Variants in LAMA1 observed in about 807,000 individuals in gnomAD.
The protein encoded by LAMA1 is laminin subunit alpha-1.
In LAMA1, 219 loss-of-function variants were observed where a neutral mutation model predicts 348.7. The observed-to-expected ratio is 0.63, with a 90% CI of 0.56 to 0.70. The LOEUF is 0.70. Ranked by LOEUF, LAMA1 falls within the 30% of genes least tolerant of loss-of-function variation. LAMA1 has a pLI of 0.00. For missense variants in LAMA1, 3,744 were observed against 3,888.0 expected, an observed-to-expected ratio of 0.96 and a Z score of 0.99; for synonymous variants, 1,487 against 1,491.0, an observed-to-expected ratio of 1.00 and a Z score of 0.06.
intron 29 of LAMA1, among the ~76,000 whole-genome samples, chr18:7,005,923 T>C (rs891296328): frequency 6.6e-6 from 1 of 152,006 alleles, no homozygotes; most frequent in Non-Finnish European, 1.5e-5. Flanking sequence ...GGGAGGCAGG[T>C]TGGGAGCCTG....
At chr18:6,981,856 C>T (rs2057713216) in intron 41 of LAMA1, among the ~76,000 whole-genome samples, 1 of 152,110 alleles carries the variant, frequency 6.6e-6, no homozygotes, top group Non-Finnish European at 1.5e-5. Flanking sequence ...AGGTGGAAAG[C>T]ACATTATTTG....
In LAMA1 at chr18:7,012,035, G is replaced by C. The variant is rs771338059; in HGVS notation, c.3467C>G (p.Ser1156Cys). Reference protein sequence around the residue: ...GCSPCFCSGLSHLCSELEDYV... With the variant: ...GCSPCFCSGLCHLCSELEDYV... ...GTCCTCCAGCTCTGAGCAGAGGTGG[G>C]ACAGCCCGGAGCAGAAGCACGGGCT... Residue 1156 changes from serine to cysteine, a missense_variant, in exon 24 of 63, where the codon TCC becomes TGC. Physicochemically the swap from Ser to Cys is moderately radical, Grantham distance 112. This residue lies in a region of LAMA1 where 1,529 missense variants were observed against 1,689.4 expected (regional missense o/e 0.91). Coordinates refer to ENST00000389658, the MANE Select transcript of LAMA1 (RefSeq NM_005559.4). 12 of 1,610,650 alleles carry C rather than the reference G, an allele frequency of 7.5e-6. No individual in the cohort carries two copies. The highest frequency in any genetic ancestry group is 9.3e-6 in the Non-Finnish European group (11 of 1,178,284).
chr18:6,949,369 G>T, intron 58 of LAMA1, 110 bp from the exon 59 acceptor site: 1 of 1,064,882 alleles, frequency 9.4e-7, no homozygotes, highest in Non-Finnish European at 1.4e-6. Context: ...ATAACAACCT[G>T]AATGCAATGC....
intron 1 of LAMA1, among the ~76,000 whole-genome samples, chr18:7,108,622 C>CTCCAGCCTGGA: frequency 9.1e-6 from 1 of 109,888 alleles, no homozygotes; most frequent in African/African-American, 3.9e-5. Context: ...TGCCACTGCA[C>CTCCAGCCTGGA]TGAGACAGAC....
intron 3 of LAMA1, 31 bp downstream of exon 3, chr18:7,079,944 G>T: frequency 1.4e-6 from 2 of 1,476,568 alleles, no homozygotes; most frequent in Non-Finnish European, 9.5e-7. Flanking sequence ...GCAGCCTGTA[G>T]ACACTCTTCA....
chr18:7,008,438 C>G, intron 28 of LAMA1, 50 bp downstream of exon 28: 1 of 1,610,056 alleles, frequency 6.2e-7, no homozygotes, highest in Non-Finnish European at 8.5e-7. Flanking sequence ...CTGTAACAAG[C>G]ACATTTCAAC....
chr18:7,063,618 A>T (rs1271812549), intron 3 of LAMA1, among the ~76,000 whole-genome samples: 2 of 152,226 alleles, frequency 1.3e-5, no homozygotes, highest in Non-Finnish European at 2.9e-5. Flanking sequence ...TTGATGGATG[A>T]ATGGCTAAAC....
intron 5 of LAMA1, among the ~76,000 whole-genome samples, chr18:7,048,516 T>A (rs1598296694): frequency 6.6e-6 from 1 of 152,160 alleles, no homozygotes; most frequent in East Asian, 1.9e-4. Flanking sequence ...CCTCCCAAAG[T>A]GTTGGGATTA....
At chr18:7,098,690 C>CA (rs1356673744) in intron 1 of LAMA1, among the ~76,000 whole-genome samples, 71 of 148,618 alleles carry the variant, frequency 4.8e-4, no homozygotes, top group Admixed American at 1.4e-3. Flanking sequence ...CGTCTCCGCC[C>CA]GGCAGCCACC....
chr18:7,036,956 C>T (rs953839379), intron 12 of LAMA1, among the ~76,000 whole-genome samples: 13 of 151,956 alleles, frequency 8.6e-5, no homozygotes, highest in Non-Finnish European at 1.8e-4. Flanking sequence ...TGGAGAGATG[C>T]GGCATAAGTG....
At chr18:6,957,373 G>GAAT (rs1296627544) in intron 55 of LAMA1, 1 of 157,658 alleles carries the variant, frequency 6.3e-6, no homozygotes, top group African/African-American at 2.4e-5. Flanking sequence ...ATGAATGAAT[G>GAAT]AACAGACAAC....
At chr18:7,056,958 G>A (rs918585507) in intron 3 of LAMA1, among the ~76,000 whole-genome samples, 72 of 151,214 alleles carry the variant, frequency 4.8e-4, no homozygotes, top group African/African-American at 2.9e-4. Context: ...TGCAACCTCC[G>A]CCTCTTGGGT....
intron 3 of LAMA1, among the ~76,000 whole-genome samples, chr18:7,072,876 GAGGGAGGC>G (rs1253561087): frequency 6.6e-6 from 1 of 152,120 alleles, no homozygotes; most frequent in Non-Finnish European, 1.5e-5. Context: ...TGGAGGGCTG[GAGGGAGGC>G]AGGACTTCTC....
intron 59 of LAMA1, 117 bp from the exon 60 acceptor site, chr18:6,948,673 T>A: frequency 8.3e-7 from 1 of 1,204,560 alleles, no homozygotes; most frequent in Non-Finnish European, 1.2e-6. Flanking sequence ...ATGTAATCTT[T>A]TTGTTTTAAA....
At chr18:7,054,078 CTTTT>C (rs950442962) in intron 3 of LAMA1, among the ~76,000 whole-genome samples, 1 of 151,986 alleles carries the variant, frequency 6.6e-6, no homozygotes, top group African/African-American at 2.4e-5. Context: ...GCCAGATAAT[CTTTT>C]TTTTACATTG....
intron 27 of LAMA1, among the ~76,000 whole-genome samples, chr18:7,008,818 G>GT (rs2057845418): frequency 6.6e-6 from 1 of 152,266 alleles, no homozygotes; most frequent in South Asian, 2.1e-4. Context: ...TAAAAATAAT[G>GT]TGACACAAGT....
chr18:6,959,308 T>G, intron 54 of LAMA1, 33 bp downstream of exon 54: 7 of 1,613,722 alleles, frequency 4.3e-6, no homozygotes, highest in Non-Finnish European at 5.9e-6. Context: ...TCACCACACC[T>G]TCATTACACA....
chr18:7,008,171 G>A (rs1057107457), intron 28 of LAMA1, among the ~76,000 whole-genome samples: 2 of 152,018 alleles, frequency 1.3e-5, no homozygotes, highest in Non-Finnish European at 2.9e-5. Context: ...GGGGCACTGG[G>A]GAGAGAGGAA....
In LAMA1 at chr18:6,977,747, C is replaced by A. The variant is rs776741901; in HGVS notation, c.6325G>T (p.Ala2109Ser). The A allele has an allele frequency of 1.2e-5, 19 of 1,613,986 alleles. No homozygotes were observed. The Admixed American group carries it at 2.0e-4, about 17-fold the overall frequency. ...CTCACAGAAGCTGCTTGTTTGCGGG[C>A]CTGGCTGATCAACAGTTTAATTTCT... The part of the protein sequence containing the change: ...LSEIKLLISQ[A>S]RKQAASIKVA... The change falls in exon 44 of 63, where the codon GCC (alanine) becomes TCC (serine). Residue 2109 changes from alanine (A) to serine (S), a missense_variant. Ala to Ser is a moderately conservative substitution (Grantham distance 99). Coordinates refer to ENST00000389658, the MANE Select transcript of LAMA1 (RefSeq NM_005559.4).
Sources: gnomAD v4.1 joint callset for allele counts (sites outside exome capture counted in the v4.1 genomes callset) on GRCh38, gnomAD v4.1.1 for gene constraint, gnomAD v4.1.1 regional missense constraint, MANE v1.5 for transcripts, NCBI Gene and HGNC (gene_info 2026-07-23, HGNC 2026-07-21) for gene names.